GLS: variants seen among roughly 807,000 people sequenced by gnomAD.
GLS encodes glutaminase kidney isoform, mitochondrial.
A neutral mutation model predicts 86.7 loss-of-function variants in GLS; 36 were observed. That is an observed-to-expected ratio of 0.42 (90% CI 0.32 to 0.55). GLS has a LOEUF of 0.55. GLS is among the 20% of genes least tolerant of loss of function. GLS has a pLI of 0.17. For synonymous variants in GLS, 317 were observed against 305.9 expected, an observed-to-expected ratio of 1.04 and a Z score of -0.38; for missense variants, 528 against 833.4, an observed-to-expected ratio of 0.63 and a Z score of 4.51.
At chr2:190,940,179 C>A (rs188569041) in intron 14 of GLS, among the ~76,000 whole-genome samples, 1 of 151,752 alleles carries the variant, frequency 6.6e-6, no homozygotes, top group Admixed American at 6.6e-5. Context: ...TTACTTAGAT[C>A]CTTGAAGTAT....
chr2:190,911,571 T>G (rs960576884), intron 7 of GLS, among the ~76,000 whole-genome samples: 1 of 152,112 alleles, frequency 6.6e-6, no homozygotes, highest in African/African-American at 2.4e-5. Context: ...CAGTCCTAGC[T>G]TTAGGTAGCT....
Position 190,897,897 on chromosome 2 carries a change from T to C in GLS, c.605+2172T>C, listed in dbSNP as rs1427030725. Among the ~76,000 whole-genome samples the C allele has an allele frequency of 6.6e-6, 1 of 152,222 alleles. No homozygotes were observed. Among genetic ancestry groups the C allele is most frequent in the African/African-American group, 2.4e-5 (1 of 41,464 alleles). Reference sequence around the variant, plus strand: ...TTTCGGTAATCTGAGAAAACTATTATGTGTGACTTTTTTTAACTTGGGAAA... The same window carrying C: ...TTTCGGTAATCTGAGAAAACTATTACGTGTGACTTTTTTTAACTTGGGAAA... On this transcript the variant is annotated intron_variant, in intron 3 of 17. Coordinates refer to ENST00000320717, the MANE Select transcript of GLS (RefSeq NM_014905.5). The surrounding 1 kb of genome is among the most constrained non-coding windows in gnomAD (Gnocchi z 4.3).
chr2:190,946,959 A>C (rs1204354710), intron 14 of GLS, among the ~76,000 whole-genome samples: 1 of 149,330 alleles, frequency 6.7e-6, no homozygotes, highest in Non-Finnish European at 1.5e-5. Context: ...CCTTAATCTC[A>C]GTGGTAGTAA....
rs1690713016 is a variant in GLS at position 190,951,306 on chromosome 2, T to C, written c.1651-2259T>C. Among the ~76,000 whole-genome samples, 1 of 152,054 alleles carries C rather than the reference T, an allele frequency of 6.6e-6. No homozygotes were observed. Among genetic ancestry groups the C allele is most frequent in the Non-Finnish European group, 1.5e-5 (1 of 68,014 alleles). ...TGCTGGAGCTTTGGAGAGCGCTGTT[T>C]AGAGGTAACAATGAGTGTGAAGGTA... On this transcript the variant is annotated intron_variant, in intron 14 of 17. Transcript: ENST00000320717. This position sits in a 1 kb window ranked among gnomAD's most constrained non-coding sequence, Gnocchi z 4.2.
At chr2:190,893,785 G>A (rs1428250230) in intron 1 of GLS, among the ~76,000 whole-genome samples, 2 of 152,022 alleles carry the variant, frequency 1.3e-5, no homozygotes, top group African/African-American at 2.4e-5. Context: ...GGGTTTCACC[G>A]TGTTGGCCAG....
Position 190,947,821 on chromosome 2 carries a change from T to C in GLS, c.1651-5744T>C, listed in dbSNP as rs1357138142. On this transcript the variant is annotated intron_variant, in intron 14 of 17. Coordinates refer to ENST00000320717, the MANE Select transcript of GLS (RefSeq NM_014905.5). The surrounding 1 kb of genome is among the most constrained non-coding windows in gnomAD (Gnocchi z 5.0). ...AAGTATTGGTGTGGAGGTGGATGAC[T>C]GATCTTCTAGAGTGCCCCTCTCCTT... Among the ~76,000 whole-genome samples, 1 of 152,202 alleles carries C rather than the reference T, an allele frequency of 6.6e-6. No homozygotes were observed. Among genetic ancestry groups the C allele is most frequent in the Non-Finnish European group, 1.5e-5 (1 of 68,032 alleles).
At chr2:190,915,083 C>T (rs1290783873) in intron 7 of GLS, among the ~76,000 whole-genome samples, 1 of 151,532 alleles carries the variant, frequency 6.6e-6, no homozygotes, top group African/African-American at 2.4e-5. Context: ...TTCTGCCTCC[C>T]AGGTTCACGC....
At chr2:190,939,494 A>C (rs973035931) in intron 14 of GLS, among the ~76,000 whole-genome samples, 1 of 151,758 alleles carries the variant, frequency 6.6e-6, no homozygotes, top group Admixed American at 6.6e-5. Context: ...CCAAAATAAA[A>C]ATGATGAAAT....
intron 4 of GLS, 144 bp from the exon 5 acceptor site, chr2:190,901,803 G>A (rs1181716430): frequency 1.6e-6 from 1 of 608,972 alleles, no homozygotes; most frequent in African/African-American, 1.8e-5. Flanking sequence ...CATTGTTACA[G>A]AAGATAGACT....
intron 7 of GLS, among the ~76,000 whole-genome samples, chr2:190,911,524 C>G (rs16833049): frequency 0.015 from 2,231 of 152,094 alleles, 57 homozygotes; most frequent in African/African-American, 0.049. Flanking sequence ...TCAGTTTGAG[C>G]TGAAAGAAAC....
In GLS at chr2:190,943,350, G is replaced by GGT. The variant is rs1447248909; in HGVS notation, c.1651-10213_1651-10212dup. The stretch of plus-strand genomic sequence containing the variant: ...TGGGGTGGTGTGTGAGATTGCTTAA[G>GGT]GTGATAGTATAAAGTGATAAGGAAA... On this transcript the variant is annotated intron_variant, in intron 14 of 17. Transcript: ENST00000320717. The surrounding 1 kb of genome is among the most constrained non-coding windows in gnomAD (Gnocchi z 4.5). Among the ~76,000 whole-genome samples the GGT allele has an allele frequency of 1.3e-5, 2 of 152,192 alleles. No individual in the cohort carries two copies. Among genetic ancestry groups the GGT allele is most frequent in the African/African-American group, 4.8e-5 (2 of 41,528 alleles).
rs1049421722 is a variant in GLS at position 190,881,369 on chromosome 2, G to A, written c.285G>A (p.Ser95=). The change falls in exon 1 of 18, where the codon TCG becomes TCA. Residue 95 remains serine (S), a synonymous_variant. Transcript: ENST00000320717. The part of the protein sequence containing the change: ...KGSTHPQPGV[S]PPAAPAAPGP... Reference sequence around the variant, plus strand: ...GCACGCATCCGCAGCCCGGGGTGTCGCCACCCGCTGCCCCGGCGGCGCCCG... The same window carrying A: ...GCACGCATCCGCAGCCCGGGGTGTCACCACCCGCTGCCCCGGCGGCGCCCG... 7 of 1,539,036 alleles carry A rather than the reference G, an allele frequency of 4.5e-6. No individual in the cohort carries two copies. The highest frequency in any genetic ancestry group is 6.1e-6 in the Non-Finnish European group (7 of 1,142,416).
In GLS at chr2:190,900,631, A is replaced by G; in HGVS notation, c.673A>G (p.Met225Val). The G allele has an allele frequency of 1.2e-6, 2 of 1,604,702 alleles. No individual in the cohort carries two copies. Among genetic ancestry groups the G allele is most frequent in the South Asian group, 1.1e-5 (1 of 90,866 alleles). ...AAGAAAGTTTGTGATTCCTGACTTT[A>G]TGTCTTTTACCTCACACATTGATGA... Reference protein sequence around the residue: ...FRRKFVIPDFMSFTSHIDELY... With the variant: ...FRRKFVIPDFVSFTSHIDELY... The change falls in exon 4 of 18, where the codon ATG becomes GTG. Residue 225 changes from methionine (M) to valine (V), a missense_variant. Met to Val is a conservative substitution (Grantham distance 21, BLOSUM62 1). Transcript: ENST00000320717.
At chr2:190,904,324 G>A (rs1248641213) in intron 5 of GLS, among the ~76,000 whole-genome samples, 1 of 152,090 alleles carries the variant, frequency 6.6e-6, no homozygotes, top group Admixed American at 6.5e-5. Flanking sequence ...TTCTAAAAGG[G>A]CTAGTTTATT....
At position 190,913,191 on chromosome 2, in the gene GLS, A is replaced by G; in HGVS notation, c.1038+2870A>G. ...TGTAGTATTGATATTTTTTCCTTGT[A>G]GGATTGGTGGTGATCCTCAGGAAAT... is the stretch of plus-strand genomic sequence containing the variant. On this transcript the variant is annotated intron_variant, in intron 7 of 17. Transcript: ENST00000320717. The surrounding 1 kb of genome is among the most constrained non-coding windows in gnomAD (Gnocchi z 6.1). The G allele has an allele frequency of 7.7e-7, 1 of 1,296,452 alleles. No homozygotes were observed. Among genetic ancestry groups the G allele is most frequent in the Non-Finnish European group, 1.0e-6 (1 of 981,884 alleles). 80.3% of individuals were successfully genotyped at this position (1,296,452 alleles called of 1,614,324 possible).
At position 190,953,082 on chromosome 2, in the gene GLS, T is replaced by C. The variant is rs1418902117; in HGVS notation, c.1651-483T>C. On this transcript the variant is annotated intron_variant, in intron 14 of 17. Transcript: ENST00000320717. This position sits in a 1 kb window ranked among gnomAD's most constrained non-coding sequence, Gnocchi z 4.0. ...GTGAAGTAAAGTTTAAGATGACAGTTAACACTGAATGTTCTCTCTTAAGAT... is the reference window on the plus strand; with the variant it reads ...GTGAAGTAAAGTTTAAGATGACAGTCAACACTGAATGTTCTCTCTTAAGAT... Among the ~76,000 whole-genome samples the C allele has an allele frequency of 3.3e-5, 5 of 152,244 alleles. No homozygotes were observed. The highest frequency in any genetic ancestry group is 3.3e-4 in the Admixed American group (5 of 15,278).
At position 190,949,378 on chromosome 2, in the gene GLS, A is replaced by C. The variant is rs1459272232; in HGVS notation, c.1651-4187A>C. Among the ~76,000 whole-genome samples, 1 of 152,134 alleles carries C rather than the reference A, an allele frequency of 6.6e-6. No individual in the cohort carries two copies. The highest frequency in any genetic ancestry group is 1.9e-4 in the East Asian group (1 of 5,186). On this transcript the variant is annotated intron_variant, in intron 14 of 17. Transcript: ENST00000320717. This position sits in a 1 kb window ranked among gnomAD's most constrained non-coding sequence, Gnocchi z 4.0. ...AGTTAATGATTGAATAAATCTTGTAATGATATTCAAAGATGTAAAAGTTAA... is the reference window on the plus strand; with the variant it reads ...AGTTAATGATTGAATAAATCTTGTACTGATATTCAAAGATGTAAAAGTTAA...
intron 1 of GLS, among the ~76,000 whole-genome samples, chr2:190,887,709 CTG>C (rs1688433728): frequency 6.6e-6 from 1 of 152,102 alleles, no homozygotes; most frequent in Admixed American, 6.5e-5. Context: ...ACAAAATAAA[CTG>C]AAGTGTTAGA....
At position 190,921,210 on chromosome 2, in the gene GLS, G is replaced by A. The variant is rs1277512820; in HGVS notation, c.1130+7G>A. The A allele has an allele frequency of 2.6e-6, 4 of 1,566,800 alleles. No homozygotes were observed. In the East Asian group the frequency reaches 9.0e-5, roughly 35 times the overall value. ...TTGGATTCAGTAATGCAACGTGAGT[G>A]TTTTAAATACTGTTTTGTTACGTAA... is the stretch of plus-strand genomic sequence containing the variant. On this transcript the variant is annotated splice_region_variant and intron_variant, in intron 9 of 17. Transcript: ENST00000320717. The surrounding 1 kb of genome is among the most constrained non-coding windows in gnomAD (Gnocchi z 4.2).
Sources: allele counts gnomAD v4.1 joint callset (sites outside exome capture counted in the v4.1 genomes callset), GRCh38; gene constraint gnomAD v4.1.1; non-coding constraint Gnocchi (gnomAD v3.1); transcripts MANE v1.5; gene names NCBI Gene and HGNC (gene_info 2026-07-23, HGNC 2026-07-21).